SETD2: variants seen among roughly 807,000 people sequenced by gnomAD.
SETD2 encodes the protein SET domain containing 2, histone lysine methyltransferase, also known as histone-lysine N-methyltransferase SETD2.
In SETD2, 31 loss-of-function variants were observed where a neutral mutation model predicts 242.1. The ratio of observed to expected loss-of-function variants is 0.13; its 90% CI spans 0.10 to 0.17. SETD2 has a LOEUF of 0.17. Ranked by LOEUF, SETD2 falls within the 10% of genes least tolerant of loss-of-function variation. The pLI is 1.00. For synonymous variants in SETD2, 1,006 were observed against 1,066.5 expected (o/e 0.94, Z 1.11); for missense variants, 2,481 against 3,046.3 (o/e 0.81, Z 4.37).
chr3:47,029,480 A>G (rs575449736), intron 18 of SETD2, among the ~76,000 whole-genome samples: 2 of 145,178 alleles, frequency 1.4e-5, no homozygotes, highest in Non-Finnish European at 3.1e-5. Context: ...CACAAATAAA[A>G]AGCAAAAAAA....
chr3:47,102,245 A>T (rs1382838892), intron 7 of SETD2, among the ~76,000 whole-genome samples: 1 of 152,238 alleles, frequency 6.6e-6, no homozygotes, highest in Non-Finnish European at 1.5e-5. Flanking sequence ...GGGACACTGT[A>T]CAGTGAGAGT....
chr3:47,134,353 A>G (rs549788354), intron 1 of SETD2, among the ~76,000 whole-genome samples: 3 of 152,334 alleles, frequency 2.0e-5, no homozygotes, highest in South Asian at 2.1e-4. Flanking sequence ...ACTTCCTCCA[A>G]TCTTCACTGA....
chr3:47,163,061 G>A (rs1327695965), intron 1 of SETD2, among the ~76,000 whole-genome samples: 2 of 152,164 alleles, frequency 1.3e-5, no homozygotes, highest in Non-Finnish European at 2.9e-5. Flanking sequence ...AGAGATTCCT[G>A]TTACCAAGAA....
intron 1 of SETD2, among the ~76,000 whole-genome samples, chr3:47,160,907 T>G (rs1426251775): frequency 6.6e-6 from 1 of 152,186 alleles, no homozygotes; most frequent in Non-Finnish European, 1.5e-5. Context: ...CATTTTCACC[T>G]GAAACACAAT....
chr3:47,120,050 T>C lies in SETD2; in HGVS notation c.4454+132A>G, dbSNP rs1371840169. Reference sequence around the variant, plus strand: ...ATCTAAATAGGTAAAAACACTTTTTTAGACTTTTAAATTTACTTTATCCCA... The same window carrying C: ...ATCTAAATAGGTAAAAACACTTTTTCAGACTTTTAAATTTACTTTATCCCA... On this transcript the variant is annotated intron_variant, in intron 3 of 20. Transcript: ENST00000409792. The C allele has an allele frequency of 1.7e-5, 14 of 805,496 alleles. No homozygotes were observed. In the South Asian group the frequency reaches 2.9e-4, roughly 17 times the overall value. 49.9% of individuals were successfully genotyped at this position (805,496 alleles called of 1,614,324 possible).
intron 17 of SETD2, among the ~76,000 whole-genome samples, chr3:47,038,445 C>G (rs559341595): frequency 1.3e-5 from 2 of 152,226 alleles, no homozygotes; most frequent in South Asian, 4.1e-4. Flanking sequence ...GAAACCCCAT[C>G]TCTACTATAA....
intron 8 of SETD2, chr3:47,098,381 G>A: frequency 9.7e-6 from 2 of 207,150 alleles, no homozygotes; most frequent in East Asian, 1.1e-4. Context: ...ATACATGTTT[G>A]GATTAAGAAT....
intron 12 of SETD2, among the ~76,000 whole-genome samples, chr3:47,076,671 T>C (rs1203120262): frequency 6.6e-6 from 1 of 152,162 alleles, no homozygotes; most frequent in Non-Finnish European, 1.5e-5. Context: ...ATTACAGTTG[T>C]ATAGAAGTAC....
chr3:47,110,682 G>A (rs2042613771), intron 5 of SETD2, among the ~76,000 whole-genome samples: 1 of 152,032 alleles, frequency 6.6e-6, no homozygotes, highest in Non-Finnish European at 1.5e-5. Flanking sequence ...CAAGAGTTTT[G>A]ACTAGTTTAT....
chr3:47,163,908 G>A lies in SETD2; in HGVS notation c.17C>T (p.Pro6Leu), dbSNP rs773983305. 1 of 1,313,704 alleles carries A rather than the reference G, an allele frequency of 7.6e-7. No homozygotes were observed. Among genetic ancestry groups the A allele is most frequent in the East Asian group, 2.9e-5 (1 of 35,058 alleles). The allele number at this position is 1,313,704 out of a possible 1,614,324, so 81.4% of individuals were successfully genotyped here. ...ATCCCCCATCTTCGGAGGCGGCTGC[G>A]GCTGCAGCTGCTTCATCGGGAGCGG... is the stretch of plus-strand genomic sequence containing the variant. Reference protein sequence around the residue: MKQLQPQPPPKMGDFY... With the variant: MKQLQLQPPPKMGDFY... The change falls in exon 1 of 21, where the codon CCG becomes CTG. Residue 6 changes from proline (P) to leucine (L), a missense_variant. Coordinates refer to ENST00000409792, the MANE Select transcript of SETD2 (RefSeq NM_014159.7).
chr3:47,095,558 A>C lies in SETD2; in HGVS notation c.5142+2397T>G, dbSNP rs752240307. 2.6e-5 allele frequency among the ~76,000 whole-genome samples: 4 copies of C among 152,234 alleles called. No homozygotes were observed. The South Asian group carries it at 6.2e-4, about 24-fold the overall frequency. ...AACAAAAGCAATCTAATGGAGTTTA[A>C]AGAAAAATGTCCGGTAGTCAAGTGA... On this transcript the variant is annotated intron_variant, in intron 9 of 20. Coordinates refer to ENST00000409792, the MANE Select transcript of SETD2 (RefSeq NM_014159.7).
intron 10 of SETD2, among the ~76,000 whole-genome samples, chr3:47,087,597 G>A (rs1340864634): frequency 1.3e-5 from 2 of 152,278 alleles, no homozygotes; most frequent in Middle Eastern, 3.4e-3. Context: ...TAGATTAAAT[G>A]ATACTGAACT....
At chr3:47,060,456 G>A (rs2040283302) in intron 14 of SETD2, among the ~76,000 whole-genome samples, 1 of 152,116 alleles carries the variant, frequency 6.6e-6, no homozygotes, top group African/African-American at 2.4e-5. Context: ...CCTAATAGAA[G>A]CTACAGTCAT....
intron 12 of SETD2, among the ~76,000 whole-genome samples, chr3:47,081,455 G>C (rs1439787357): frequency 6.6e-6 from 1 of 152,182 alleles, no homozygotes; most frequent in Non-Finnish European, 1.5e-5. Flanking sequence ...CCTAATAAAG[G>C]TTGGTTGAAT....
chr3:47,107,537 A>C (rs1033760070), intron 5 of SETD2, among the ~76,000 whole-genome samples: 1 of 152,176 alleles, frequency 6.6e-6, no homozygotes, highest in Non-Finnish European at 1.5e-5. Context: ...ATTCATGGGT[A>C]AACCTAGAAA....
chr3:47,019,715 G>T, intron 19 of SETD2, 45 bp downstream of exon 19: 3 of 1,503,932 alleles, frequency 2.0e-6, no homozygotes, highest in Admixed American at 1.7e-5. Flanking sequence ...AAAGGGTTCA[G>T]ATTTAAGCCT....
intron 1 of SETD2, among the ~76,000 whole-genome samples, chr3:47,155,367 C>T (rs1186963949): frequency 6.6e-6 from 1 of 152,056 alleles, no homozygotes; most frequent in Non-Finnish European, 1.5e-5. Flanking sequence ...AAGGTTCTGC[C>T]AAAAGTAAAT....
intron 4 of SETD2, among the ~76,000 whole-genome samples, chr3:47,115,529 C>T (rs1406050233): frequency 4.0e-5 from 6 of 151,894 alleles, no homozygotes; most frequent in African/African-American, 1.2e-4. Context: ...TTTTGCAACA[C>T]TATAACATGA....
intron 12 of SETD2, among the ~76,000 whole-genome samples, chr3:47,069,443 AC>A (rs1269301878): frequency 6.6e-6 from 1 of 152,164 alleles, no homozygotes; most frequent in Non-Finnish European, 1.5e-5. Flanking sequence ...TCATGGAAAT[AC>A]CACCCCAGAC....
Sources: allele counts gnomAD v4.1 joint callset (sites outside exome capture counted in the v4.1 genomes callset), GRCh38; gene constraint gnomAD v4.1.1; transcripts MANE v1.5; gene names NCBI Gene and HGNC (gene_info 2026-07-23, HGNC 2026-07-21).